Variants in CAMK4 observed in about 807,000 individuals in gnomAD.
CAMK4 encodes calcium/calmodulin-dependent protein kinase type IV.
Under a neutral mutation model 44.9 loss-of-function variants are expected in CAMK4, and 22 were observed. The observed-to-expected ratio is 0.49, with a 90% confidence interval of 0.35 to 0.70. CAMK4 has a LOEUF of 0.70. Ranked by LOEUF, CAMK4 falls within the 30% of genes least tolerant of loss-of-function variation. CAMK4 has a pLI of 0.01. For missense variants in CAMK4, 498 were observed against 586.8 expected (o/e 0.85, Z 1.56); for synonymous variants, 218 against 215.4 (o/e 1.01, Z -0.11).
intron 5 of CAMK4, among the ~76,000 whole-genome samples, chr5:111,407,307 CGCCACTGCACTCTA>C (rs1561467967): frequency 6.7e-6 from 1 of 149,820 alleles, no homozygotes; most frequent in African/African-American, 2.5e-5. Context: ...GCTGAGATCG[CGCCACTGCACTCTA>C]GCCTGGGTGA....
At chr5:111,414,228 G>T (rs2115026) in intron 5 of CAMK4, among the ~76,000 whole-genome samples, 71,993 of 151,982 alleles carry the variant, frequency 0.47, 17,293 homozygotes, top group Middle Eastern at 0.58. Context: ...AAAGCACAGA[G>T]TATTGCCTGA....
intron 1 of CAMK4, among the ~76,000 whole-genome samples, chr5:111,227,968 G>C (rs564165543): frequency 6.3e-4 from 96 of 152,300 alleles, no homozygotes; most frequent in African/African-American, 2.1e-3. Flanking sequence ...CATTTTAAAG[G>C]CTTTTCTGAG....
intron 5 of CAMK4, among the ~76,000 whole-genome samples, chr5:111,420,679 G>A (rs1272117945): frequency 6.6e-6 from 1 of 152,180 alleles, no homozygotes; most frequent in African/African-American, 2.4e-5. Context: ...TATACCTCTA[G>A]GCGTGTATTC....
chr5:111,242,416 T>C (rs1312237527), intron 1 of CAMK4, among the ~76,000 whole-genome samples: 3 of 152,206 alleles, frequency 2.0e-5, no homozygotes, highest in African/African-American at 7.2e-5. Flanking sequence ...GTATGATTTA[T>C]ATCTCTTAAA....
In CAMK4 at chr5:111,442,517, C is replaced by CATATAT. The variant is rs58032491; in HGVS notation, c.460-4147_460-4142dup. ...AAAACAAACAAACAAAAAACCAAAA[C>CATATAT]ATATATATATATATATATATATATA... is the stretch of plus-strand genomic sequence containing the variant. On this transcript the variant is annotated intron_variant, in intron 5 of 10. Transcript: ENST00000282356. Among the ~76,000 whole-genome samples the CATATAT allele has an allele frequency of 1.3e-3, 186 of 142,068 alleles. 1 individual carries two copies. The East Asian group carries it at 0.013, about 10-fold the overall frequency. The allele number at this position is 142,068 out of a possible 152,430, so 93.2% of individuals were successfully genotyped here. A position where few individuals can be genotyped will look rare whatever the true frequency, so the allele number is the denominator to read the frequency against.
intron 1 of CAMK4, among the ~76,000 whole-genome samples, chr5:111,326,737 G>A (rs1031034264): frequency 6.6e-6 from 1 of 151,638 alleles, no homozygotes; most frequent in Non-Finnish European, 1.5e-5. Flanking sequence ...TGCAGATAAG[G>A]ACGAGGCTAA....
chr5:111,469,826 T>C (rs1391398514), intron 7 of CAMK4, among the ~76,000 whole-genome samples: 2 of 152,194 alleles, frequency 1.3e-5, no homozygotes, highest in Admixed American at 1.3e-4. Flanking sequence ...ACTAATAATA[T>C]AATGGGTAGC....
At chr5:111,242,837 C>T (rs1015328413) in intron 1 of CAMK4, among the ~76,000 whole-genome samples, 3 of 150,002 alleles carry the variant, frequency 2.0e-5, no homozygotes, top group Non-Finnish European at 4.5e-5. Flanking sequence ...CCTCACTCCA[C>T]GCCCCCTCTT....
intron 5 of CAMK4, among the ~76,000 whole-genome samples, chr5:111,412,998 G>C (rs891331222): frequency 1.2e-4 from 18 of 152,174 alleles, no homozygotes; most frequent in African/African-American, 4.3e-4. Flanking sequence ...TCAAGAAGCA[G>C]TAATTCTTGT....
rs1019658914 is a variant in CAMK4, at chr5:111,247,985, A to C, written c.161+23341A>C. Among the ~76,000 whole-genome samples the C allele has an allele frequency of 3.3e-5, 5 of 152,186 alleles. No homozygotes were observed. In the South Asian group the frequency reaches 1.0e-3, roughly 31 times the overall value. Reference sequence around the variant, plus strand: ...TGTGCTCAGGGGCATTGTGGTTTTTAACTGTTTCTCATACTTATTTGATCA... The same window carrying C: ...TGTGCTCAGGGGCATTGTGGTTTTTCACTGTTTCTCATACTTATTTGATCA... On this transcript the variant is annotated intron_variant, in intron 1 of 10. Transcript: ENST00000282356.
chr5:111,262,646 C>A (rs1750038611), intron 1 of CAMK4, among the ~76,000 whole-genome samples: 1 of 152,094 alleles, frequency 6.6e-6, no homozygotes, highest in African/African-American at 2.4e-5. Flanking sequence ...TAAATAATGA[C>A]CCACTTTACT....
chr5:111,473,955 A>C (rs1755152134), intron 8 of CAMK4, among the ~76,000 whole-genome samples: 1 of 152,186 alleles, frequency 6.6e-6, no homozygotes, highest in South Asian at 2.1e-4. Flanking sequence ...GTATCCCCAC[A>C]TCCATTCCTG....
chr5:111,413,744 T>G (rs1752712308), intron 5 of CAMK4, among the ~76,000 whole-genome samples: 1 of 152,078 alleles, frequency 6.6e-6, no homozygotes, highest in Admixed American at 6.6e-5. Context: ...GTTTCATTCT[T>G]GATGTAGGAT....
intron 5 of CAMK4, among the ~76,000 whole-genome samples, chr5:111,417,526 A>G (rs980376088): frequency 7.2e-6 from 1 of 139,462 alleles, no homozygotes; most frequent in South Asian, 2.2e-4. Flanking sequence ...CCAGCTAATT[A>G]AAAAAAAAAA....
At chr5:111,248,980 C>T (rs924244805) in intron 1 of CAMK4, among the ~76,000 whole-genome samples, 3 of 152,086 alleles carry the variant, frequency 2.0e-5, no homozygotes, top group Middle Eastern at 3.4e-3. Flanking sequence ...GGGGGGGTCA[C>T]CTTAATCTGT....
chr5:111,462,176 A>G (rs897811333), intron 7 of CAMK4, among the ~76,000 whole-genome samples: 4 of 151,662 alleles, frequency 2.6e-5, no homozygotes, highest in Non-Finnish European at 4.4e-5. Context: ...TTTTCCTTCA[A>G]CCTCTTCCCC....
chr5:111,328,128 G>GT (rs1748983791), intron 1 of CAMK4, among the ~76,000 whole-genome samples: 1 of 143,056 alleles, frequency 7.0e-6, no homozygotes, highest in Admixed American at 7.0e-5. Flanking sequence ...TTTTTCTAGG[G>GT]TTTTTATGGT....
chr5:111,328,911 G>T (rs1040063866), intron 1 of CAMK4, among the ~76,000 whole-genome samples: 2 of 151,936 alleles, frequency 1.3e-5, no homozygotes, highest in Admixed American at 1.3e-4. Flanking sequence ...GAGATTTTGG[G>T]CTGAGACGAT....
intron 4 of CAMK4, among the ~76,000 whole-genome samples, chr5:111,385,877 A>AAT (rs1299020846): frequency 6.6e-6 from 1 of 152,086 alleles, no homozygotes; most frequent in Admixed American, 6.6e-5. Flanking sequence ...GCCCGGCTGC[A>AAT]ATATATATAT....
Sources: allele counts gnomAD v4.1 joint callset (sites outside exome capture counted in the v4.1 genomes callset), GRCh38; gene constraint gnomAD v4.1.1; transcripts MANE v1.5; gene names NCBI Gene and HGNC (gene_info 2026-07-23, HGNC 2026-07-21).